Variants in GSE1 observed in about 807,000 individuals in gnomAD.
GSE1 encodes genetic suppressor element 1.
Under a neutral mutation model 112.6 loss-of-function variants are expected in GSE1, and 32 were observed. The ratio of observed to expected loss-of-function variants is 0.28; its 90% CI spans 0.21 to 0.38. GSE1 has a LOEUF of 0.38. Ranked by LOEUF, GSE1 falls within the 10% of genes least tolerant of loss-of-function variation. The probability of loss-of-function intolerance (pLI) is 1.00; values close to 1 mark genes in which losing one functional copy is unlikely to be tolerated. For missense variants in GSE1, 2,348 were observed against 1,699.2 expected, an observed-to-expected ratio of 1.38 and a Z score of -6.71; for synonymous variants, 1,115 against 735.6, an observed-to-expected ratio of 1.52 and a Z score of -8.35.
chr16:85,380,830 C>G (rs966663036), intron 2 of GSE1, among the ~76,000 whole-genome samples: 1 of 152,180 alleles, frequency 6.6e-6, no homozygotes, highest in Admixed American at 6.5e-5. Flanking sequence ...GCTGGGAGAC[C>G]GTCCTTCTCC....
At chr16:85,291,678 C>G (rs1052386035) in intron 1 of GSE1, among the ~76,000 whole-genome samples, 3 of 152,168 alleles carry the variant, frequency 2.0e-5, no homozygotes, top group African/African-American at 7.2e-5. Context: ...GGGCCCCTGA[C>G]CCCGGGGAGA....
intron 2 of GSE1, among the ~76,000 whole-genome samples, chr16:85,548,087 G>A (rs2044765010): frequency 6.6e-6 from 1 of 151,660 alleles, no homozygotes; most frequent in South Asian, 2.1e-4. Flanking sequence ...AAATTAGCTG[G>A]GCGTGGTGGC....
chr16:85,270,778 C>T (rs1908751892), intron 1 of GSE1, among the ~76,000 whole-genome samples: 1 of 125,944 alleles, frequency 7.9e-6, no homozygotes. Flanking sequence ...GGAGAGGTTC[C>T]TTATGAGGTC....
intron 2 of GSE1, among the ~76,000 whole-genome samples, chr16:85,449,949 C>T (rs1597792274): frequency 6.6e-6 from 1 of 152,130 alleles, no homozygotes; most frequent in African/African-American, 2.4e-5. Context: ...CACCAGGGCT[C>T]CCAGCTTGGC....
At chr16:85,175,957 C>T (rs917139635) in intron 1 of GSE1, among the ~76,000 whole-genome samples, 3 of 152,138 alleles carry the variant, frequency 2.0e-5, no homozygotes, top group African/African-American at 7.2e-5. Context: ...AGTCTGTGCT[C>T]CAGCCTCTAC....
chr16:85,435,995 T>G (rs28491196), intron 2 of GSE1, among the ~76,000 whole-genome samples: 1,583 of 152,208 alleles, frequency 0.01, 20 homozygotes, highest in African/African-American at 0.036. Flanking sequence ...CTCACCAGTG[T>G]GGTTGGCGTG....
chr16:85,189,108 T>G (rs985561053), intron 1 of GSE1, among the ~76,000 whole-genome samples: 12 of 152,202 alleles, frequency 7.9e-5, no homozygotes, highest in African/African-American at 2.9e-4. Context: ...CACCATTAAG[T>G]CTTGACACAT....
chr16:85,651,724 A>G (rs2051373159), intron 3 of GSE1, among the ~76,000 whole-genome samples: 1 of 152,154 alleles, frequency 6.6e-6, no homozygotes, highest in African/African-American at 2.4e-5. Flanking sequence ...TGATGATTGA[A>G]GCCCCTGGCT....
chr16:85,366,114 G>A lies in GSE1; in HGVS notation c.2464+8471G>A, dbSNP rs140960789. 4.6e-5 allele frequency among the ~76,000 whole-genome samples: 7 copies of A among 152,370 alleles called. No individual in the cohort carries two copies. In the East Asian group the frequency reaches 5.8e-4, roughly 13 times the overall value. On this transcript the variant is annotated intron_variant, in intron 2 of 2. Coordinates refer to the GSE1 transcript ENST00000637419. ...TCCCAGCCGGGCTTGGGCCTCCACC[G>A]CCGGGAAGGCGGGACTGCGCTCGGG...
chr16:85,221,251 C>A (rs923347410), intron 1 of GSE1, among the ~76,000 whole-genome samples: 4 of 151,994 alleles, frequency 2.6e-5, no homozygotes, highest in African/African-American at 9.7e-5. Flanking sequence ...CCCCACTGTG[C>A]GGCTGGTTTG....
intron 1 of GSE1, among the ~76,000 whole-genome samples, chr16:85,264,590 G>A (rs577389176): frequency 1.3e-5 from 2 of 152,310 alleles, no homozygotes; most frequent in South Asian, 2.1e-4. Context: ...AGAGGAAGGG[G>A]CCAGGGCCGG....
chr16:85,323,006 G>GCCTGGTTTGAA (rs1285381609), intron 1 of GSE1, among the ~76,000 whole-genome samples: 1 of 152,196 alleles, frequency 6.6e-6, no homozygotes, highest in African/African-American at 2.4e-5. Flanking sequence ...ATGTCAGTTG[G>GCCTGGTTTGAA]TCTGAGTCAA....
chr16:85,611,121 G>A (rs2047952110), upstream of GSE1, among the ~76,000 whole-genome samples: 1 of 152,224 alleles, frequency 6.6e-6, no homozygotes, highest in African/African-American at 2.4e-5. Flanking sequence ...CCGGCCAGGT[G>A]CGAGAGGTTC....
At chr16:85,414,979 C>G (rs930167772) in intron 2 of GSE1, among the ~76,000 whole-genome samples, 1 of 152,186 alleles carries the variant, frequency 6.6e-6, no homozygotes, top group African/African-American at 2.4e-5. Flanking sequence ...GGGTCTCACT[C>G]TGTTGCCTAG....
chr16:85,456,631 T>TGC lies in GSE1; in HGVS notation c.2464+98989_2464+98990insCG, dbSNP rs2049835966. 2.1e-5 allele frequency among the ~76,000 whole-genome samples: 3 copies of TGC among 141,322 alleles called. No homozygotes were observed. The South Asian group carries it at 6.8e-4, about 32-fold the overall frequency. The allele number at this position is 141,322 out of a possible 152,430, so 92.7% of individuals were successfully genotyped here. A position where few individuals can be genotyped will look rare whatever the true frequency, so the allele number is the denominator to read the frequency against. Reference sequence around the variant, plus strand: ...GTGTGTGTGTGTGTGTGTGTGTGTGTGTGTGTGTGGTCTGCCATTTTTGCT... The same window carrying TGC: ...GTGTGTGTGTGTGTGTGTGTGTGTGTGCGTGTGTGTGGTCTGCCATTTTTGCT... On this transcript the variant is annotated intron_variant, in intron 2 of 2. Coordinates refer to the GSE1 transcript ENST00000637419.
chr16:85,672,186 G>C (rs1431353310), intron 15 of GSE1: 1 of 554,432 alleles, frequency 1.8e-6, no homozygotes, highest in Non-Finnish European at 3.4e-6. Context: ...TAGTAGATGG[G>C]GTTTCCCCAT....
At position 85,538,785 on chromosome 16, in the gene GSE1, C is replaced by A. The variant is rs112079302; in HGVS notation, c.2465-95129C>A. ...TGCCCCACTGCCGCTCTCTGGACAC[C>A]CAGGATTTAAGCCACCTTCGTTTCC... On this transcript the variant is annotated intron_variant, in intron 2 of 2. Transcript: ENST00000637419. 5.3e-4 allele frequency among the ~76,000 whole-genome samples: 80 copies of A among 152,282 alleles called. 1 individual carries two copies. The highest frequency in any genetic ancestry group is 1.8e-3 in the African/African-American group (74 of 41,552).
At chr16:85,629,340 G>T (rs1452806541) in intron 1 of GSE1, among the ~76,000 whole-genome samples, 1 of 152,240 alleles carries the variant, frequency 6.6e-6, no homozygotes, top group Non-Finnish European at 1.5e-5. Context: ...GCCTCATGAA[G>T]GCCACAGGAG....
At chr16:85,220,194 G>A (rs1239950711) in intron 1 of GSE1, among the ~76,000 whole-genome samples, 2 of 152,212 alleles carry the variant, frequency 1.3e-5, no homozygotes, top group East Asian at 3.9e-4. Flanking sequence ...GCGTTACCCC[G>A]CACCTGGGAT....
Sources: gnomAD v4.1 joint callset for allele counts (sites outside exome capture counted in the v4.1 genomes callset) on GRCh38, gnomAD v4.1.1 for gene constraint, MANE v1.5 for transcripts, NCBI Gene and HGNC (gene_info 2026-07-23, HGNC 2026-07-21) for gene names.